The following PDE9A variants were observed in gnomAD, a reference collection of about 807,000 sequenced individuals.
The protein encoded by PDE9A is high affinity cGMP-specific 3',5'-cyclic phosphodiesterase 9A.
PDE9A carries 60 observed loss-of-function variants against 87.4 expected under a neutral mutation model. The observed-to-expected ratio is 0.69, with a 90% CI of 0.56 to 0.85. The LOEUF (loss-of-function observed/expected upper bound fraction) is 0.85, where lower values mean the gene tolerates loss of function less well. PDE9A is among the 40% of genes least tolerant of loss of function. The pLI, the probability that PDE9A is intolerant of heterozygous loss-of-function variation, is 0.00. For synonymous variants in PDE9A, 272 were observed against 279.4 expected (o/e 0.97, Z 0.27); for missense variants, 665 against 779.0 (o/e 0.85, Z 1.74).
chr21:42,731,800 G>T lies in PDE9A; in HGVS notation c.293G>T (p.Arg98Leu). Reference protein sequence around the residue: ...AGVEDKRTTSRGQSAERPLRD... With the variant: ...AGVEDKRTTSLGQSAERPLRD... ...GTCGAGGACAAGAGAACCACAAGCC[G>T]TGGCCAGTCTGCTGAGAGACCACTG... Residue 98 changes from arginine (R) to leucine (L), a missense_variant, in exon 5 of 20, where the codon CGT (arginine) becomes CTT (leucine). Transcript: ENST00000291539. 1.9e-6 allele frequency: 3 copies of T among 1,614,088 alleles called. No individual in the cohort carries two copies. In the South Asian group the frequency reaches 3.3e-5, roughly 18 times the overall value.
intron 19 of PDE9A, 119 bp from the exon 20 acceptor site, chr21:42,775,161 C>T (rs1427227857): frequency 9.0e-6 from 8 of 885,544 alleles, no homozygotes; most frequent in Admixed American, 2.1e-5. Flanking sequence ...AGCCTGGTCT[C>T]GAACTCCTGA....
rs1602258943 is a variant in PDE9A, at chr21:42,720,712, G to C, written c.263-11058G>C. ...TCACGCAGCCCCTGCAGGTTATAAG[G>C]AGGATTGAGCTGGCCAGGCACAGTG... On this transcript the variant is annotated intron_variant, in intron 4 of 19. Coordinates refer to ENST00000291539, the MANE Select transcript of PDE9A (RefSeq NM_002606.3). 4.0e-5 allele frequency among the ~76,000 whole-genome samples: 6 copies of C among 151,716 alleles called. 1 individual carries two copies. The South Asian group carries it at 1.3e-3, about 32-fold the overall frequency.
intron 1 of PDE9A, among the ~76,000 whole-genome samples, chr21:42,663,313 C>T (rs1018706959): frequency 4.6e-5 from 7 of 151,808 alleles, no homozygotes; most frequent in Non-Finnish European, 7.4e-5. Context: ...ATACACACCG[C>T]GCACACATCA....
chr21:42,693,491 G>T (rs770652052), intron 3 of PDE9A, among the ~76,000 whole-genome samples: 1 of 151,402 alleles, frequency 6.6e-6, no homozygotes, highest in Non-Finnish European at 1.5e-5. Flanking sequence ...GTAGAGACGG[G>T]ATGTTAGCCA....
In PDE9A at chr21:42,762,257, C is replaced by T. The variant is rs754513834; in HGVS notation, c.1242+18C>T. 2.5e-6 allele frequency: 4 copies of T among 1,611,426 alleles called. No homozygotes were observed. Among genetic ancestry groups the T allele is most frequent in the Non-Finnish European group, 3.4e-6 (4 of 1,178,360 alleles). The stretch of plus-strand genomic sequence containing the variant: ...TCCGACAGGTGTGTGGGGTGAGGGC[C>T]CTCCCACCGGAGTGGGGGCACATTC... On this transcript the variant is annotated intron_variant, in intron 14 of 19. Coordinates refer to ENST00000291539, the MANE Select transcript of PDE9A (RefSeq NM_002606.3).
intron 8 of PDE9A, among the ~76,000 whole-genome samples, chr21:42,746,778 C>T (rs184489319): frequency 5.3e-5 from 8 of 152,368 alleles, no homozygotes; most frequent in East Asian, 3.9e-4. Flanking sequence ...CTGTCAGGCA[C>T]GCCGGGCTGT....
rs147992352 is a variant in PDE9A at position 42,770,741 on chromosome 21, T to C, written c.1629T>C (p.Leu543=). 13 of 1,614,126 alleles carry C rather than the reference T, an allele frequency of 8.1e-6. No homozygotes were observed. In the African/African-American group the frequency reaches 1.6e-4, roughly 20 times the overall value. ...TTGAGGAGATCATGCTGCAGCCACT[T>C]TGGGAATCCCGAGATCGCTACGAGG... ...PMVEEIMLQP[L]WESRDRYEEL... The change falls in exon 18 of 20, where the codon CTT becomes CTC. Residue 543 remains leucine (L), a synonymous_variant. Transcript: ENST00000291539.
At chr21:42,697,888 C>A (rs1212329498) in intron 3 of PDE9A, among the ~76,000 whole-genome samples, 1 of 152,166 alleles carries the variant, frequency 6.6e-6, no homozygotes. Flanking sequence ...GACCCCAGCA[C>A]CATGGGACCA....
chr21:42,698,268 T>G (rs183184190), intron 3 of PDE9A, among the ~76,000 whole-genome samples: 1 of 152,344 alleles, frequency 6.6e-6, no homozygotes, highest in East Asian at 1.9e-4. Context: ...CAAATGTTGC[T>G]AAACTGCTGG....
rs1172147800 is a variant in PDE9A, at chr21:42,706,854, C to T, written c.262+7843C>T. On this transcript the variant is annotated intron_variant, in intron 4 of 19. Transcript: ENST00000291539. Reference sequence around the variant, plus strand: ...TTCTGACCTTTCACATAACAGAATCCGTGGCCTTTCCAGCCTGGCTTCTTC... The same window carrying T: ...TTCTGACCTTTCACATAACAGAATCTGTGGCCTTTCCAGCCTGGCTTCTTC... 3.9e-5 allele frequency among the ~76,000 whole-genome samples: 6 copies of T among 152,224 alleles called. No individual in the cohort carries two copies. The East Asian group carries it at 5.8e-4, about 15-fold the overall frequency.
chr21:42,754,043 C>T lies in PDE9A; in HGVS notation c.789C>T (p.Val263=). 2 of 1,613,128 alleles carry T rather than the reference C, an allele frequency of 1.2e-6. No individual in the cohort carries two copies. Among genetic ancestry groups the T allele is most frequent in the Non-Finnish European group, 8.5e-7 (1 of 1,179,288 alleles). The change falls in exon 10 of 20, where the codon GTC becomes GTT. Residue 263 remains valine, a synonymous_variant. Transcript: ENST00000291539. ...CCCTGCGGAAGCCGACCTTTGACGT[C>T]TGGCTTTGGGAGCCCAATGAGGTAA... ...IEALRKPTFD[V]WLWEPNEMLS...
At chr21:42,672,241 C>G (rs1430253426) in intron 1 of PDE9A, among the ~76,000 whole-genome samples, 1 of 152,238 alleles carries the variant, frequency 6.6e-6, no homozygotes, top group Non-Finnish European at 1.5e-5. Flanking sequence ...AGCTGAAGGT[C>G]TGACTTAGGT....
At chr21:42,726,908 CCTGT>C (rs913404203) in intron 4 of PDE9A, among the ~76,000 whole-genome samples, 14 of 151,502 alleles carry the variant, frequency 9.2e-5, no homozygotes, top group African/African-American at 3.4e-4. Context: ...CATTGCTCTA[CCTGT>C]CTGTCTTTCT....
chr21:42,653,906 A>AC (rs768307117), intron 1 of PDE9A, 23 bp downstream of exon 1: 4 of 1,359,152 alleles, frequency 2.9e-6, no homozygotes, highest in African/African-American at 3.0e-5. Flanking sequence ...CCACCCAGAC[A>AC]CCCCCTCCTC....
chr21:42,670,587 ATAC>A (rs1318234618), intron 1 of PDE9A, among the ~76,000 whole-genome samples: 1 of 151,456 alleles, frequency 6.6e-6, no homozygotes, highest in Non-Finnish European at 1.5e-5. Flanking sequence ...ACATACACGC[ATAC>A]ACTTACACAT....
chr21:42,690,787 C>T (rs2059783013), intron 3 of PDE9A, among the ~76,000 whole-genome samples: 1 of 152,120 alleles, frequency 6.6e-6, no homozygotes, highest in Non-Finnish European at 1.5e-5. Context: ...TATGCCTCAC[C>T]AACTTCTCCA....
In PDE9A at chr21:42,659,715, A is replaced by T. The variant is rs1569093696; in HGVS notation, c.69+5832A>T. ...CTGTGAGCTAGAACCACAGGCTCCC[A>T]TGAAGAAGGAGCCAGAACCACAGGC... On this transcript the variant is annotated intron_variant, in intron 1 of 19. Coordinates refer to ENST00000291539, the MANE Select transcript of PDE9A (RefSeq NM_002606.3). This position sits in a 1 kb window ranked among gnomAD's most constrained non-coding sequence, Gnocchi z 4.1. Among the ~76,000 whole-genome samples, 1 of 152,186 alleles carries T rather than the reference A, an allele frequency of 6.6e-6. No individual in the cohort carries two copies. The highest frequency in any genetic ancestry group is 1.5e-5 in the Non-Finnish European group (1 of 68,028).
intron 2 of PDE9A, 61 bp downstream of exon 2, chr21:42,686,323 T>C: frequency 7.2e-7 from 1 of 1,393,982 alleles, no homozygotes; most frequent in Non-Finnish European, 1.0e-6. Context: ...CTTTTCGGGA[T>C]GGCTGGGAGG....
intron 14 of PDE9A, 68 bp from the exon 15 acceptor site, chr21:42,765,313 C>A: frequency 2.4e-6 from 2 of 841,372 alleles, no homozygotes; most frequent in Non-Finnish European, 3.9e-6. Context: ...GCTCAGTACA[C>A]AGTAGGCCTC....
Sources: gnomAD v4.1 joint callset for allele counts (sites outside exome capture counted in the v4.1 genomes callset) on GRCh38, gnomAD v4.1.1 for gene constraint, Gnocchi (gnomAD v3.1) non-coding constraint, MANE v1.5 for transcripts, NCBI Gene and HGNC (gene_info 2026-07-23, HGNC 2026-07-21) for gene names.